PEPD: variants seen among roughly 807,000 people sequenced by gnomAD.
PEPD encodes peptidase D.
In PEPD, 53 loss-of-function variants were observed where a neutral mutation model predicts 60.7. The ratio of observed to expected loss-of-function variants is 0.87; its 90% CI spans 0.70 to 1.10. PEPD has a LOEUF of 1.10. PEPD is among the 50% of genes least tolerant of loss of function. PEPD has a pLI of 0.00. For missense variants in PEPD, 711 were observed against 711.9 expected (o/e 1.00, Z 0.01); for synonymous variants, 267 against 284.1 (o/e 0.94, Z 0.60).
chr19:33,476,723 G>C (rs940394951), intron 7 of PEPD, among the ~76,000 whole-genome samples: 2 of 152,020 alleles, frequency 1.3e-5, no homozygotes, highest in Non-Finnish European at 2.9e-5. Context: ...GAGTACAGTG[G>C]CGTGATCTCA....
intron 1 of PEPD, among the ~76,000 whole-genome samples, chr19:33,513,326 G>T (rs1285399309): frequency 6.6e-6 from 1 of 152,098 alleles, no homozygotes; most frequent in Non-Finnish European, 1.5e-5. Context: ...TCTGCAGACT[G>T]ATGATGTCCA....
At chr19:33,483,399 C>G (rs948803880) in intron 6 of PEPD, among the ~76,000 whole-genome samples, 2 of 152,202 alleles carry the variant, frequency 1.3e-5, no homozygotes, top group Non-Finnish European at 2.9e-5. Context: ...GAGCACATCT[C>G]TGACACAAGA....
At chr19:33,505,360 G>T (rs1970779742) in intron 3 of PEPD, among the ~76,000 whole-genome samples, 2 of 152,092 alleles carry the variant, frequency 1.3e-5, no homozygotes, top group African/African-American at 4.8e-5. Context: ...TGACGCAGGT[G>T]CCTATGCCCA....
chr19:33,463,962 C>G, intron 8 of PEPD, 25 bp downstream of exon 8: 1 of 1,540,162 alleles, frequency 6.5e-7, no homozygotes, highest in Non-Finnish European at 9.0e-7. Flanking sequence ...TTTCCCCACT[C>G]AACCAGAGCC....
intron 1 of PEPD, among the ~76,000 whole-genome samples, chr19:33,520,064 C>T (rs1029640562): frequency 2.7e-4 from 36 of 134,624 alleles, no homozygotes; most frequent in Admixed American, 3.0e-4. Flanking sequence ...AACTACGTCT[C>T]AAAAAAAAAA....
In PEPD at chr19:33,447,900, G is replaced by A. The variant is rs1030678580; in HGVS notation, c.671+15095C>T. ...GGCAGAGGATGGCCTTGTGCGGGAG[G>A]TTCCTGAGGACGCAAACTCAGCTTC... On this transcript the variant is annotated intron_variant, in intron 9 of 14. Transcript: ENST00000244137. Among the ~76,000 whole-genome samples the A allele has an allele frequency of 2.6e-5, 4 of 152,336 alleles. No homozygotes were observed. The East Asian group carries it at 7.7e-4, about 29-fold the overall frequency.
chr19:33,416,195 G>T (rs12977061), intron 9 of PEPD, among the ~76,000 whole-genome samples: 1 of 152,084 alleles, frequency 6.6e-6, no homozygotes, highest in South Asian at 2.1e-4. Flanking sequence ...AGAGCTTGGC[G>T]AGTGGTGCTG....
rs114037504 is a variant in PEPD at position 33,440,828 on chromosome 19, A to C, written c.671+22167T>G. Among the ~76,000 whole-genome samples the C allele has an allele frequency of 3.9e-3, 596 of 152,320 alleles. 2 individuals are homozygous for C. Among genetic ancestry groups the C allele is most frequent in the African/African-American group, 0.014 (578 of 41,564 alleles). On this transcript the variant is annotated intron_variant, in intron 9 of 14. Transcript: ENST00000244137. ...GTTGTGTCTCCCCAGCTCCTAGAAG[A>C]GTGCCTGGCACCTGTTGTTACTCAG...
chr19:33,465,782 G>T (rs748524953), intron 7 of PEPD, among the ~76,000 whole-genome samples: 1 of 151,998 alleles, frequency 6.6e-6, no homozygotes, highest in Non-Finnish European at 1.5e-5. Context: ...GACCCACTCT[G>T]TTACACTCAC....
At chr19:33,516,947 A>G (rs1052077163) in intron 1 of PEPD, among the ~76,000 whole-genome samples, 1 of 152,076 alleles carries the variant, frequency 6.6e-6, no homozygotes, top group African/African-American at 2.4e-5. Context: ...GCTCATGCCT[A>G]TCATCCCAGC....
At chr19:33,443,394 A>G (rs1969522699) in intron 9 of PEPD, among the ~76,000 whole-genome samples, 1 of 152,270 alleles carries the variant, frequency 6.6e-6, no homozygotes, top group African/African-American at 2.4e-5. Flanking sequence ...CTCTTGATAC[A>G]TGACTGAACA....
chr19:33,431,068 C>T (rs952448814), intron 9 of PEPD, among the ~76,000 whole-genome samples: 26 of 151,690 alleles, frequency 1.7e-4, no homozygotes, highest in African/African-American at 6.3e-4. Flanking sequence ...TATGATCGCA[C>T]CACTGCACCC....
At chr19:33,444,393 G>A in intron 9 of PEPD, among the ~76,000 whole-genome samples, 1 of 152,072 alleles carries the variant, frequency 6.6e-6, no homozygotes, top group East Asian at 1.9e-4. Flanking sequence ...TGTGAGGCTG[G>A]GATGGAAAAG....
chr19:33,494,841 A>G (rs1360550083), intron 4 of PEPD, among the ~76,000 whole-genome samples: 1 of 152,236 alleles, frequency 6.6e-6, no homozygotes, highest in African/African-American at 2.4e-5. Context: ...TACTCTCTTA[A>G]TGGACACTAC....
At chr19:33,421,528 T>C (rs1969018789) in intron 9 of PEPD, among the ~76,000 whole-genome samples, 2 of 152,222 alleles carry the variant, frequency 1.3e-5, no homozygotes, top group African/African-American at 4.8e-5. Flanking sequence ...TTTCACTCTG[T>C]TGCTCAGGCT....
intron 7 of PEPD, among the ~76,000 whole-genome samples, chr19:33,472,220 C>T (rs374430937): frequency 6.6e-6 from 1 of 151,510 alleles, no homozygotes; most frequent in East Asian, 1.9e-4. Context: ...CTCAGCTACT[C>T]GGGAGGCTGA....
rs1179071403 is a variant in PEPD, at chr19:33,431,210, GGGAGGGAA to G, written c.672-17575_672-17568del. Reference sequence around the variant, plus strand: ...AGGGAGGGAGGGAGGGAGAGAGGGAGGGAGGGAAGGAGGGCAATTCAAGCCCAATTCCT... The same window carrying G: ...AGGGAGGGAGGGAGGGAGAGAGGGAGGGAGGGCAATTCAAGCCCAATTCCT... On this transcript the variant is annotated intron_variant, in intron 9 of 14. Transcript: ENST00000244137. 6.1e-3 allele frequency among the ~76,000 whole-genome samples: 924 copies of G among 151,284 alleles called. 12 individuals carry two copies. The highest frequency in any genetic ancestry group is 0.021 in the African/African-American group (863 of 41,140).
chr19:33,435,130 C>T (rs1055964845), intron 9 of PEPD, among the ~76,000 whole-genome samples: 8 of 152,198 alleles, frequency 5.3e-5, no homozygotes, highest in African/African-American at 1.9e-4. Flanking sequence ...CCTCATCCAT[C>T]CGGCATCTCC....
At chr19:33,402,745 T>A (rs1204855388) in intron 11 of PEPD, among the ~76,000 whole-genome samples, 1 of 151,576 alleles carries the variant, frequency 6.6e-6, no homozygotes, top group Non-Finnish European at 1.5e-5. Flanking sequence ...GGCAGGGGCG[T>A]GGAGAATGGG....
Sources: allele counts gnomAD v4.1 joint callset (sites outside exome capture counted in the v4.1 genomes callset), GRCh38; gene constraint gnomAD v4.1.1; transcripts MANE v1.5; gene names NCBI Gene and HGNC (gene_info 2026-07-23, HGNC 2026-07-21).